The following RBFOX1 variants were observed in gnomAD, a reference collection of about 807,000 sequenced individuals.
RBFOX1 encodes RNA binding fox-1 homolog 1.
A neutral mutation model predicts 57.7 loss-of-function variants in RBFOX1; 8 were observed. The observed-to-expected ratio is 0.14, with a 90% CI of 0.08 to 0.25. The LOEUF (loss-of-function observed/expected upper bound fraction) is 0.25. Among genes scored for constraint, RBFOX1 ranks in the 10% least tolerant of loss-of-function variants. The pLI is 1.00. For synonymous variants in RBFOX1, 326 were observed against 222.4 expected (o/e 1.47, Z -4.15); for missense variants, 611 against 548.5 (o/e 1.11, Z -1.14).
intron 1 of RBFOX1, among the ~76,000 whole-genome samples, chr16:5,436,736 G>T (rs967172973): frequency 6.6e-6 from 1 of 152,022 alleles, no homozygotes; most frequent in African/African-American, 2.4e-5. Context: ...TGTTTGAAAG[G>T]CTGAGGCACG....
chr16:5,427,798 C>T (rs567382330), intron 1 of RBFOX1, among the ~76,000 whole-genome samples: 163 of 152,222 alleles, frequency 1.1e-3, no homozygotes, highest in South Asian at 3.7e-3. Context: ...AGAGAGTCAA[C>T]CTGCTGGACT....
At chr16:6,148,076 C>A (rs1421029674) in intron 1 of RBFOX1, among the ~76,000 whole-genome samples, 1 of 152,198 alleles carries the variant, frequency 6.6e-6, no homozygotes, top group Non-Finnish European at 1.5e-5. Flanking sequence ...AGCCTGTAAT[C>A]CCAGCACTTC....
In RBFOX1 at chr16:5,976,880, A is replaced by G. The variant is rs145064466; in HGVS notation, c.351+109545A>G. On this transcript the variant is annotated intron_variant, in intron 4 of 19. Transcript: ENST00000641259. ...CAAGACTCTGTCAATCAATGTATCA[A>G]TAAGGTCTTGCTAAAGATGATAAAG... Among the ~76,000 whole-genome samples, 398 of 152,298 alleles carry G rather than the reference A, an allele frequency of 2.6e-3. 2 individuals carry two copies. Among genetic ancestry groups the G allele is most frequent in the Middle Eastern group, 0.014 (4 of 294 alleles).
At chr16:5,265,183 C>T (rs2062828347) in intron 1 of RBFOX1, among the ~76,000 whole-genome samples, 1 of 152,070 alleles carries the variant, frequency 6.6e-6, no homozygotes, top group Non-Finnish European at 1.5e-5. Flanking sequence ...TCTGTAAAGA[C>T]CAGGTTATTT....
At chr16:5,552,430 G>A (rs1476468757) in intron 2 of RBFOX1, among the ~76,000 whole-genome samples, 1 of 152,156 alleles carries the variant, frequency 6.6e-6, no homozygotes, top group Non-Finnish European at 1.5e-5. Context: ...TGCTCACATA[G>A]CCCAAGAGGT....
chr16:6,825,514 T>A (rs1343412829), intron 3 of RBFOX1, among the ~76,000 whole-genome samples: 2 of 152,132 alleles, frequency 1.3e-5, no homozygotes, highest in African/African-American at 4.8e-5. Flanking sequence ...AAAATGAATC[T>A]CACTTTTTGA....
intron 4 of RBFOX1, among the ~76,000 whole-genome samples, chr16:7,060,038 A>G (rs1179828315): frequency 2.0e-5 from 3 of 152,190 alleles, no homozygotes; most frequent in African/African-American, 7.2e-5. Context: ...CTGCAGTCAG[A>G]TTCTTTTCAA....
intron 3 of RBFOX1, among the ~76,000 whole-genome samples, chr16:6,684,098 G>C (rs2059074643): frequency 6.6e-6 from 1 of 152,190 alleles, no homozygotes; most frequent in Admixed American, 6.5e-5. Flanking sequence ...TGTTCAAGCA[G>C]AGAAAATAGC....
intron 1 of RBFOX1, among the ~76,000 whole-genome samples, chr16:5,376,232 A>G (rs570379800): frequency 1.3e-5 from 2 of 151,864 alleles, no homozygotes; most frequent in Non-Finnish European, 2.9e-5. Context: ...GGCTGGAGGC[A>G]GTGCTGGAGC....
chr16:6,322,236 C>T (rs1445675966), intron 2 of RBFOX1, among the ~76,000 whole-genome samples: 1 of 152,100 alleles, frequency 6.6e-6, no homozygotes, highest in Non-Finnish European at 1.5e-5. Context: ...CCCTTGGATC[C>T]CAGCCAACAG....
intron 1 of RBFOX1, among the ~76,000 whole-genome samples, chr16:5,325,438 T>G (rs1239157241): frequency 2.6e-5 from 4 of 152,250 alleles, no homozygotes; most frequent in African/African-American, 9.6e-5. Flanking sequence ...TTTTTAATTT[T>G]ATTTTTAAAT....
chr16:7,086,794 T>A (rs200354088), intron 4 of RBFOX1, among the ~76,000 whole-genome samples: 1 of 152,132 alleles, frequency 6.6e-6, no homozygotes, highest in East Asian at 1.9e-4. Flanking sequence ...ATCCTTAGAT[T>A]AGGAAGCCAC....
At chr16:7,282,983 T>C (rs1444891792) in intron 4 of RBFOX1, among the ~76,000 whole-genome samples, 1 of 152,174 alleles carries the variant, frequency 6.6e-6, no homozygotes, top group Admixed American at 6.6e-5. Context: ...TATCTCACAG[T>C]TTCTTCAATG....
chr16:7,521,132 G>T (rs866584006), intron 5 of RBFOX1, among the ~76,000 whole-genome samples: 1 of 152,148 alleles, frequency 6.6e-6, no homozygotes, highest in African/African-American at 2.4e-5. Flanking sequence ...AGGAGATGAT[G>T]CTTAAGGTGG....
In RBFOX1 at chr16:6,005,647, C is replaced by G. The variant is rs575198334; in HGVS notation, c.351+138312C>G. On this transcript the variant is annotated intron_variant, in intron 4 of 19. Transcript: ENST00000641259. Reference sequence around the variant, plus strand: ...ACTGGATACCACAAGCATCCCTTCTCCAGTCATGACAACCAAAAATGTCTC... The same window carrying G: ...ACTGGATACCACAAGCATCCCTTCTGCAGTCATGACAACCAAAAATGTCTC... Among the ~76,000 whole-genome samples, 9 of 152,306 alleles carry G rather than the reference C, an allele frequency of 5.9e-5. 1 individual carries two copies. In the South Asian group the frequency reaches 1.0e-3, roughly 18 times the overall value.
intron 5 of RBFOX1, among the ~76,000 whole-genome samples, chr16:7,536,984 G>C (rs909795231): frequency 6.6e-6 from 1 of 152,182 alleles, no homozygotes; most frequent in African/African-American, 2.4e-5. Context: ...CCCAAGTTGA[G>C]GATAAACAGG....
chr16:7,286,508 G>A (rs892617788), intron 4 of RBFOX1, among the ~76,000 whole-genome samples: 1 of 142,128 alleles, frequency 7.0e-6, no homozygotes, highest in African/African-American at 2.6e-5. Context: ...GGAGTACAGT[G>A]ATGCCATCTC....
At chr16:7,157,592 G>A (rs564338325) in intron 4 of RBFOX1, among the ~76,000 whole-genome samples, 3 of 152,214 alleles carry the variant, frequency 2.0e-5, no homozygotes, top group Admixed American at 6.5e-5. Context: ...TCCGAATAGG[G>A]TCTGGGAGCT....
intron 4 of RBFOX1, among the ~76,000 whole-genome samples, chr16:7,197,538 T>G (rs1370553715): frequency 7.0e-6 from 1 of 143,322 alleles, no homozygotes; most frequent in Non-Finnish European, 1.5e-5. Context: ...AAGTTAAACA[T>G]AAAATTACCA....
Sources: allele counts gnomAD v4.1 joint callset (sites outside exome capture counted in the v4.1 genomes callset), GRCh38; gene constraint gnomAD v4.1.1; transcripts MANE v1.5; gene names NCBI Gene and HGNC (gene_info 2026-07-23, HGNC 2026-07-21).